The following COG3 variants were observed in gnomAD, a reference collection of about 807,000 sequenced individuals.
COG3 encodes the protein conserved oligomeric Golgi complex subunit 3.
Under a neutral mutation model 114.1 loss-of-function variants are expected in COG3, and 32 were observed. That is an observed-to-expected ratio of 0.28 (90% confidence interval 0.21 to 0.38). COG3 has a LOEUF of 0.38. Among genes scored for constraint, COG3 ranks in the 10% least tolerant of loss-of-function variants. The pLI is 1.00. For missense variants in COG3, 813 were observed against 973.2 expected (o/e 0.84, Z 2.19); for synonymous variants, 352 against 365.7 (o/e 0.96, Z 0.43).
rs1871524282 is a variant in COG3 at position 45,516,250 on chromosome 13, C to G, written c.1917C>G (p.Leu639=). The change falls in exon 17 of 23, where the codon CTC becomes CTG. Residue 639 remains leucine, a synonymous_variant. Coordinates refer to ENST00000349995, the MANE Select transcript of COG3 (RefSeq NM_031431.4). ...CCATTAAGGAAATTTCCCTGGACCT[C>G]AAGAAAACTAGAGGTACTTTGCTGT... The part of the protein sequence containing the change: ...EFTIKEISLD[L]KKTRDAAFKI... 6.3e-7 allele frequency: 1 copy of G among 1,587,842 alleles called. No homozygotes were observed. The highest frequency in any genetic ancestry group is 8.6e-7 in the Non-Finnish European group (1 of 1,163,242).
chr13:45,516,115 A>G (rs375903208), intron 16 of COG3, 28 bp from the exon 17 acceptor site: 12 of 1,491,554 alleles, frequency 8.0e-6, no homozygotes, highest in Admixed American at 1.8e-5. Flanking sequence ...ATATGTGATC[A>G]TATCCATTTT....
chr13:45,530,901 A>G, intron 22 of COG3, 121 bp downstream of exon 22: 1 of 1,339,206 alleles, frequency 7.5e-7, no homozygotes, highest in Non-Finnish European at 9.7e-7. Flanking sequence ...ACCTTCTTTT[A>G]TTCTGATGAG....
rs149557397 is a variant in COG3, at chr13:45,468,504, C to T, written c.174+3294C>T. ...AGGTTCTGAGACTCCACCTATACCTCTTCAGTAATTTGCTCCAAGCAGAGA... is the reference window on the plus strand; with the variant it reads ...AGGTTCTGAGACTCCACCTATACCTTTTCAGTAATTTGCTCCAAGCAGAGA... On this transcript the variant is annotated intron_variant, in intron 1 of 22. Transcript: ENST00000349995. 2.0e-3 allele frequency among the ~76,000 whole-genome samples: 307 copies of T among 152,200 alleles called. 1 individual carries two copies. The highest frequency in any genetic ancestry group is 6.8e-3 in the African/African-American group (284 of 41,538).
intron 1 of COG3, 89 bp from the exon 2 acceptor site, chr13:45,476,112 C>G: frequency 2.4e-6 from 3 of 1,245,714 alleles, no homozygotes; most frequent in Non-Finnish European, 3.5e-6. Context: ...CTTTCTCTTT[C>G]AAAACAACTG....
rs1340475094 is a variant in COG3 at position 45,529,841 on chromosome 13, C to T, written c.2281C>T (p.Leu761=). Residue 761 remains leucine (L), a synonymous_variant, in exon 21 of 23, where the codon CTG becomes TTG. Coordinates refer to ENST00000349995, the MANE Select transcript of COG3 (RefSeq NM_031431.4). The part of the protein sequence containing the change: ...ATAYKTIKTK[L]PVTLRSMSLY... ...TGCATATAAGACAATAAAAACAAAG[C>T]TGCCTGTGACATTGAGAAGTATGTC... 1.2e-6 allele frequency: 2 copies of T among 1,613,528 alleles called. No individual in the cohort carries two copies. Among genetic ancestry groups the T allele is most frequent in the Admixed American group, 3.3e-5 (2 of 60,012 alleles).
intron 2 of COG3, among the ~76,000 whole-genome samples, chr13:45,478,214 C>T (rs9316141): frequency 0.71 from 104,986 of 148,096 alleles, 38,938 homozygotes; most frequent in Middle Eastern, 0.82. Flanking sequence ...TTTTTTGAGA[C>T]GGAGTCTCGC....
chr13:45,481,981 A>G (rs1358509826), intron 5 of COG3, among the ~76,000 whole-genome samples: 1 of 152,196 alleles, frequency 6.6e-6, no homozygotes. Context: ...ACTGCTAAAT[A>G]TAGTATGACT....
chr13:45,509,196 C>A (rs1041294817), intron 14 of COG3, among the ~76,000 whole-genome samples: 1 of 152,198 alleles, frequency 6.6e-6, no homozygotes, highest in African/African-American at 2.4e-5. Flanking sequence ...CACGCCACCA[C>A]GCCTGACTAA....
chr13:45,509,953 A>T (rs1354487069), intron 15 of COG3, 137 bp downstream of exon 15: 2 of 901,534 alleles, frequency 2.2e-6, no homozygotes, highest in African/African-American at 3.4e-5. Flanking sequence ...ACTTGAGGTC[A>T]AGCTAATTTA....
In COG3 at chr13:45,495,145, C is replaced by CT. The variant is rs56237113; in HGVS notation, c.1328-986dup. 1.9e-3 allele frequency among the ~76,000 whole-genome samples: 210 copies of CT among 108,730 alleles called. 34 individuals are homozygous for CT. Among genetic ancestry groups the CT allele is most frequent in the African/African-American group, 6.3e-3 (178 of 28,340 alleles). 71.3% of individuals were successfully genotyped at this position (108,730 alleles called of 152,430 possible). On this transcript the variant is annotated intron_variant, in intron 12 of 22. Transcript: ENST00000349995. ...AGCCATGAGCCACCACGCCTGGCCTCTTTTTTTTTTTTTTTTTTTTTAAAT... is the reference window on the plus strand; with the variant it reads ...AGCCATGAGCCACCACGCCTGGCCTCTTTTTTTTTTTTTTTTTTTTTTAAAT...
chr13:45,518,950 T>G lies in COG3; in HGVS notation c.2020-10T>G. The G allele has an allele frequency of 1.9e-6, 3 of 1,613,970 alleles. No homozygotes were observed. Among genetic ancestry groups the G allele is most frequent in the Non-Finnish European group, 2.5e-6 (3 of 1,179,950 alleles). On this transcript the variant is annotated splice_polypyrimidine_tract_variant and intron_variant, in intron 18 of 22. Coordinates refer to ENST00000349995, the MANE Select transcript of COG3 (RefSeq NM_031431.4). ...TAAAAACAGGAGGAAATTGTTATCTTCTTTTTAAGGGTACTCCTGAGATAA... is the reference window on the plus strand; with the variant it reads ...TAAAAACAGGAGGAAATTGTTATCTGCTTTTTAAGGGTACTCCTGAGATAA...
Position 45,483,368 on chromosome 13 carries a change from A to T in COG3, c.843+13A>T. ...GTTACTGAAAAGGGTGAGTTAACTG[A>T]TCTCAACAACAGGTTTTTGTTATTG... On this transcript the variant is annotated intron_variant, in intron 7 of 22. Coordinates refer to ENST00000349995, the MANE Select transcript of COG3 (RefSeq NM_031431.4). 1 of 1,555,730 alleles carries T rather than the reference A, an allele frequency of 6.4e-7. No homozygotes were observed. The highest frequency in any genetic ancestry group is 2.3e-5 in the East Asian group (1 of 42,836).
At chr13:45,520,176 G>A (rs1269024568) in intron 19 of COG3, among the ~76,000 whole-genome samples, 1 of 151,764 alleles carries the variant, frequency 6.6e-6, no homozygotes, top group Non-Finnish European at 1.5e-5. Context: ...ATAGTCCCAG[G>A]TACTTGGGAG....
At chr13:45,533,377 C>T (rs563363352) in intron 22 of COG3, among the ~76,000 whole-genome samples, 1 of 152,102 alleles carries the variant, frequency 6.6e-6, no homozygotes, top group South Asian at 2.1e-4. Flanking sequence ...AAGGAGTGCC[C>T]ATATATCCTT....
intron 13 of COG3, among the ~76,000 whole-genome samples, chr13:45,502,524 C>T (rs1038434349): frequency 6.6e-6 from 1 of 152,072 alleles, no homozygotes; most frequent in African/African-American, 2.4e-5. Flanking sequence ...CATCTGCATG[C>T]CGTTTAGGAA....
In COG3 at chr13:45,488,394, G is replaced by T. The variant is rs558274808; in HGVS notation, c.924+1819G>T. ...AGATTTGAAATTTTCCCAGCACAAA[G>T]AAATAATACATGTTTGAGGTGGTGG... On this transcript the variant is annotated intron_variant, in intron 8 of 22. Coordinates refer to ENST00000349995, the MANE Select transcript of COG3 (RefSeq NM_031431.4). Among the ~76,000 whole-genome samples the T allele has an allele frequency of 1.5e-3, 223 of 152,240 alleles. 2 individuals carry two copies. The highest frequency in any genetic ancestry group is 4.6e-3 in the African/African-American group (189 of 41,534).
chr13:45,523,253 C>G (rs766657208), intron 19 of COG3, among the ~76,000 whole-genome samples: 19 of 148,192 alleles, frequency 1.3e-4, no homozygotes, highest in Admixed American at 2.0e-4. Context: ...CGAGTTTATT[C>G]TTAATATTCC....
chr13:45,519,942 A>G (rs1871937579), intron 19 of COG3, among the ~76,000 whole-genome samples: 2 of 152,244 alleles, frequency 1.3e-5, no homozygotes, highest in Admixed American at 1.3e-4. Context: ...TCATTTAAAA[A>G]AAATCTAAGT....
intron 20 of COG3, 135 bp downstream of exon 20, chr13:45,525,186 C>A: frequency 1.7e-6 from 1 of 580,974 alleles, no homozygotes; most frequent in Non-Finnish European, 2.9e-6. Context: ...ATGCAGGATT[C>A]AATTTGGAGC....
Sources: gnomAD v4.1 joint callset for allele counts (sites outside exome capture counted in the v4.1 genomes callset) on GRCh38, gnomAD v4.1.1 for gene constraint, MANE v1.5 for transcripts, NCBI Gene and HGNC (gene_info 2026-07-23, HGNC 2026-07-21) for gene names.